MACROD2: variants seen among roughly 807,000 people sequenced by gnomAD.
MACROD2 encodes the protein ADP-ribose glycohydrolase MACROD2.
Under a neutral mutation model 70.4 loss-of-function variants are expected in MACROD2, and 36 were observed. The observed-to-expected ratio is 0.51, with a 90% CI of 0.39 to 0.68. The LOEUF is 0.68. Ranked by LOEUF, MACROD2 falls within the 30% of genes least tolerant of loss-of-function variation. The pLI is 0.00. For synonymous variants in MACROD2, 172 were observed against 178.8 expected, an observed-to-expected ratio of 0.96 and a Z score of 0.30; for missense variants, 496 against 538.4, an observed-to-expected ratio of 0.92 and a Z score of 0.78.
chr20:15,743,125 T>C (rs1198944865), intron 8 of MACROD2, among the ~76,000 whole-genome samples: 1 of 152,154 alleles, frequency 6.6e-6, no homozygotes, highest in Non-Finnish European at 1.5e-5. Flanking sequence ...AGAACCTGGG[T>C]AAGTTGCTGC....
intron 5 of MACROD2, among the ~76,000 whole-genome samples, chr20:14,850,781 C>G (rs370253057): frequency 1.2e-4 from 19 of 152,012 alleles, no homozygotes; most frequent in Admixed American, 2.6e-4. Context: ...TGGAAGACAA[C>G]GGACTGGTAA....
chr20:14,985,739 GA>G (rs2122852998), intron 5 of MACROD2, among the ~76,000 whole-genome samples: 1 of 143,592 alleles, frequency 7.0e-6, no homozygotes, highest in South Asian at 2.2e-4. Context: ...TCTTAGCTAA[GA>G]AATGCCAATG....
intron 5 of MACROD2, among the ~76,000 whole-genome samples, chr20:14,874,019 A>G (rs1029181630): frequency 1.2e-4 from 19 of 152,274 alleles, no homozygotes; most frequent in African/African-American, 4.6e-4. Context: ...CTGGAATTGA[A>G]TGCAATCTGT....
intron 5 of MACROD2, among the ~76,000 whole-genome samples, chr20:14,776,710 G>A (rs1040503242): frequency 6.6e-6 from 1 of 151,906 alleles, no homozygotes; most frequent in Non-Finnish European, 1.5e-5. Flanking sequence ...GCTTTCTGTT[G>A]AGCATAATAT....
intron 5 of MACROD2, among the ~76,000 whole-genome samples, chr20:15,225,744 G>A (rs1190980521): frequency 3.3e-5 from 5 of 152,056 alleles, no homozygotes; most frequent in African/African-American, 7.2e-5. Context: ...ATGAACCATC[G>A]TTTTACTAAC....
intron 8 of MACROD2, among the ~76,000 whole-genome samples, chr20:15,562,196 C>T (rs1383601922): frequency 6.6e-6 from 1 of 152,068 alleles, no homozygotes; most frequent in African/African-American, 2.4e-5. Flanking sequence ...CACCAGCCAG[C>T]CTTAGTTTTT....
chr20:15,344,491 C>A (rs2078143337), intron 6 of MACROD2, among the ~76,000 whole-genome samples: 2 of 152,154 alleles, frequency 1.3e-5, no homozygotes, highest in African/African-American at 4.8e-5. Flanking sequence ...AGGGGTTTGA[C>A]CGCTCAAATG....
intron 8 of MACROD2, among the ~76,000 whole-genome samples, chr20:15,836,128 A>AGTCT (rs1362770167): frequency 6.6e-6 from 1 of 152,206 alleles, no homozygotes; most frequent in African/African-American, 2.4e-5. Context: ...GTTACAACTC[A>AGTCT]GTCTTTTGCC....
At chr20:14,650,719 TG>T (rs1338701556) in intron 4 of MACROD2, among the ~76,000 whole-genome samples, 16 of 152,218 alleles carry the variant, frequency 1.1e-4, no homozygotes, top group Non-Finnish European at 2.4e-4. Flanking sequence ...TTAGATTTTT[TG>T]AGGGGCAGAT....
intron 6 of MACROD2, among the ~76,000 whole-genome samples, chr20:15,235,011 CA>C (rs2077001460): frequency 6.6e-6 from 1 of 151,998 alleles, no homozygotes; most frequent in African/African-American, 2.4e-5. Flanking sequence ...CCATGTCATA[CA>C]AAAAGTATCA....
intron 3 of MACROD2, among the ~76,000 whole-genome samples, chr20:14,418,627 A>T (rs2083837514): frequency 4.6e-5 from 7 of 152,232 alleles, no homozygotes; most frequent in Admixed American, 4.6e-4. Flanking sequence ...AATAGCCAAC[A>T]AATAGTTGGC....
intron 3 of MACROD2, among the ~76,000 whole-genome samples, chr20:14,454,523 A>G (rs1281619695): frequency 6.6e-6 from 1 of 151,866 alleles, no homozygotes; most frequent in Non-Finnish European, 1.5e-5. Flanking sequence ...TTTTTCTTGC[A>G]TAAACAGAAG....
chr20:14,870,396 A>G (rs959426363), intron 5 of MACROD2, among the ~76,000 whole-genome samples: 3 of 152,152 alleles, frequency 2.0e-5, no homozygotes, highest in South Asian at 2.1e-4. Context: ...TAGTGCTACA[A>G]TGAACATATG....
Position 14,750,552 on chromosome 20 carries a change from T to C in MACROD2, c.418+65593T>C, listed in dbSNP as rs2071856615. 2.0e-5 allele frequency among the ~76,000 whole-genome samples: 3 copies of C among 152,218 alleles called. No individual in the cohort carries two copies. The South Asian group carries it at 6.2e-4, about 32-fold the overall frequency. ...TCTGCTTACTGCAATCTCTGCCTCC[T>C]GGGCGCAAGTGATCTGCTCACCTTA... On this transcript the variant is annotated intron_variant, in intron 5 of 17. Coordinates refer to ENST00000684519, the MANE Select transcript of MACROD2 (RefSeq NM_001351661.2).
chr20:15,432,443 C>T (rs2046374881), intron 7 of MACROD2, among the ~76,000 whole-genome samples: 1 of 152,026 alleles, frequency 6.6e-6, no homozygotes, highest in African/African-American at 2.4e-5. Flanking sequence ...TCCCCTACAG[C>T]CTGTCTTTGT....
chr20:14,231,139 T>C (rs2081808026), intron 3 of MACROD2, among the ~76,000 whole-genome samples: 1 of 144,734 alleles, frequency 6.9e-6, no homozygotes, highest in Non-Finnish European at 1.5e-5. Context: ...TTTTTTTTTC[T>C]TTTTTTTTTA....
chr20:16,028,089 G>C (rs1346899411), intron 15 of MACROD2, among the ~76,000 whole-genome samples: 1 of 152,130 alleles, frequency 6.6e-6, no homozygotes, highest in Non-Finnish European at 1.5e-5. Flanking sequence ...TCAGTGGTTG[G>C]GACCACTATA....
At chr20:14,179,590 A>G (rs530199687) in intron 3 of MACROD2, among the ~76,000 whole-genome samples, 1 of 152,314 alleles carries the variant, frequency 6.6e-6, no homozygotes, top group East Asian at 1.9e-4. Flanking sequence ...AAACACAAAG[A>G]TGAGTAAGAA....
chr20:15,893,513 C>A (rs2064921045), intron 10 of MACROD2: 1 of 358,312 alleles, frequency 2.8e-6, no homozygotes, highest in Non-Finnish European at 5.5e-6. Context: ...ATGGGCAGGT[C>A]CCACTGGACT....
Sources: allele counts gnomAD v4.1 joint callset (sites outside exome capture counted in the v4.1 genomes callset), GRCh38; gene constraint gnomAD v4.1.1; transcripts MANE v1.5; gene names NCBI Gene and HGNC (gene_info 2026-07-23, HGNC 2026-07-21).